CAPZB: variants seen among roughly 807,000 people sequenced by gnomAD.
The protein encoded by CAPZB is F-actin-capping protein subunit beta.
CAPZB carries 2 observed loss-of-function variants against 38.1 expected under a neutral mutation model. The observed-to-expected ratio is 0.05, with a 90% CI of 0.02 to 0.17. The LOEUF is 0.17. Ranked by LOEUF, CAPZB falls within the 10% of genes least tolerant of loss-of-function variation. The probability of loss-of-function intolerance (pLI) is 1.00; values close to 1 mark genes in which losing one functional copy is unlikely to be tolerated. For synonymous variants in CAPZB, 107 were observed against 127.4 expected (o/e 0.84, Z 1.08); for missense variants, 161 against 334.2 (o/e 0.48, Z 4.04).
At chr1:19,439,535 GCCTGTGTCA>G (rs937396475) in intron 1 of CAPZB, among the ~76,000 whole-genome samples, 9 of 152,218 alleles carry the variant, frequency 5.9e-5, no homozygotes, top group Non-Finnish European at 8.8e-5. Context: ...TCCCCAGTCA[GCCTGTGTCA>G]CGCGGTGCTG....
intron 2 of CAPZB, among the ~76,000 whole-genome samples, chr1:19,405,889 G>C (rs1204826194): frequency 6.6e-6 from 1 of 152,216 alleles, no homozygotes; most frequent in African/African-American, 2.4e-5. Flanking sequence ...TAGGACCCGA[G>C]AGTCTGGAGC....
chr1:19,346,079 C>T (rs907955627), intron 6 of CAPZB, among the ~76,000 whole-genome samples: 1 of 152,150 alleles, frequency 6.6e-6, no homozygotes, highest in Admixed American at 6.5e-5. Context: ...TTATCTGAAG[C>T]CTTATTTCCC....
At chr1:19,406,451 C>A (rs193250505) in intron 2 of CAPZB, among the ~76,000 whole-genome samples, 131 of 152,256 alleles carry the variant, frequency 8.6e-4, no homozygotes, top group African/African-American at 2.9e-3. Context: ...GGGAAGCTAC[C>A]CACTACGGAG....
At chr1:19,380,494 G>A (rs1046780741) in intron 3 of CAPZB, among the ~76,000 whole-genome samples, 9 of 152,342 alleles carry the variant, frequency 5.9e-5, no homozygotes, top group South Asian at 2.1e-4. Context: ...CAGGCGTGCC[G>A]CCCACAATCG....
intron 1 of CAPZB, among the ~76,000 whole-genome samples, chr1:19,483,264 C>T (rs10917461): frequency 1.3e-5 from 2 of 152,064 alleles, no homozygotes; most frequent in Non-Finnish European, 2.9e-5. Flanking sequence ...GTTTTTCAAA[C>T]GGTATCATTA....
intron 4 of CAPZB, among the ~76,000 whole-genome samples, chr1:19,374,902 G>A (rs1275352454): frequency 1.3e-5 from 2 of 152,224 alleles, no homozygotes; most frequent in East Asian, 3.9e-4. Context: ...GTATGGGGAA[G>A]GGCTAGATAA....
chr1:19,456,638 C>A (rs1250819730), intron 1 of CAPZB, among the ~76,000 whole-genome samples: 2 of 152,162 alleles, frequency 1.3e-5, no homozygotes, highest in African/African-American at 4.8e-5. Flanking sequence ...ACAGACCCAG[C>A]CTGTCTTTAA....
chr1:19,469,741 TACACACACACACACACACACACACACAC>T (rs60330360), intron 1 of CAPZB, among the ~76,000 whole-genome samples: 2 of 136,620 alleles, frequency 1.5e-5, no homozygotes, highest in African/African-American at 2.8e-5. Context: ...AGGAAAAGAA[TACACACACACACACACACACACACACAC>T]ACACACACAC....
At chr1:19,411,954 G>A (rs1370307581) in intron 2 of CAPZB, among the ~76,000 whole-genome samples, 5 of 152,150 alleles carry the variant, frequency 3.3e-5, no homozygotes, top group African/African-American at 1.2e-4. Context: ...GGATGGGCAG[G>A]AAACGCCAGC....
At chr1:19,473,324 G>A (rs552737731) in intron 1 of CAPZB, among the ~76,000 whole-genome samples, 1 of 152,248 alleles carries the variant, frequency 6.6e-6, no homozygotes, top group African/African-American at 2.4e-5. Flanking sequence ...ATCCACATCT[G>A]CAAAATGGGG....
At chr1:19,475,509 C>G (rs1328159705) in intron 1 of CAPZB, among the ~76,000 whole-genome samples, 2 of 152,254 alleles carry the variant, frequency 1.3e-5, no homozygotes, top group African/African-American at 4.8e-5. Context: ...GCCAGCACCA[C>G]TGGGGCAGTC....
chr1:19,359,199 T>A (rs1424244743), intron 4 of CAPZB, among the ~76,000 whole-genome samples: 2 of 145,104 alleles, frequency 1.4e-5, no homozygotes, highest in Non-Finnish European at 3.0e-5. Context: ...TATACAAGAA[T>A]TCTCTGTACT....
intron 4 of CAPZB, among the ~76,000 whole-genome samples, chr1:19,369,116 T>C (rs1187606465): frequency 6.6e-6 from 1 of 152,214 alleles, no homozygotes; most frequent in Non-Finnish European, 1.5e-5. Flanking sequence ...TTCTGCACAC[T>C]CCTGTTTTCC....
intron 2 of CAPZB, among the ~76,000 whole-genome samples, chr1:19,395,340 C>CT (rs1010342754): frequency 6.6e-6 from 1 of 152,158 alleles, no homozygotes; most frequent in Non-Finnish European, 1.5e-5. Flanking sequence ...CAACAAAGAG[C>CT]TTTTTCAGGA....
At chr1:19,420,013 A>C in intron 1 of CAPZB, 1 of 434,462 alleles carries the variant, frequency 2.3e-6, no homozygotes, top group Non-Finnish European at 4.1e-6. Context: ...AGACGTCAGA[A>C]AGCTCCCTCA....
chr1:19,348,986 G>A (rs1198539522), intron 6 of CAPZB, among the ~76,000 whole-genome samples: 1 of 152,098 alleles, frequency 6.6e-6, no homozygotes, highest in African/African-American at 2.4e-5. Context: ...CAGACCCCAG[G>A]GGGTCTCCAT....
intron 2 of CAPZB, among the ~76,000 whole-genome samples, chr1:19,408,260 C>T (rs914784696): frequency 1.3e-5 from 2 of 152,222 alleles, no homozygotes; most frequent in Admixed American, 6.5e-5. Flanking sequence ...CCCTAGGAAG[C>T]CAACAAAGGC....
chr1:19,399,856 T>C (rs2094293532), intron 2 of CAPZB, among the ~76,000 whole-genome samples: 1 of 152,196 alleles, frequency 6.6e-6, no homozygotes, highest in Non-Finnish European at 1.5e-5. Flanking sequence ...ACTTGAGAGT[T>C]ACTCAAAAGT....
chr1:19,358,506 G>A lies in CAPZB; in HGVS notation c.330-943C>T, dbSNP rs115873338. ...ATTACGATCAAATGGAAGAGGGAAC[G>A]AAAAGGTTAGATGAGAAATGGGAAT... On this transcript the variant is annotated intron_variant, in intron 4 of 8. Transcript: ENST00000264202. Among the ~76,000 whole-genome samples the A allele has an allele frequency of 1.9e-3, 289 of 152,292 alleles. 2 individuals carry two copies. The highest frequency in any genetic ancestry group is 6.7e-3 in the African/African-American group (280 of 41,562).
Sources: gnomAD v4.1 joint callset for allele counts (sites outside exome capture counted in the v4.1 genomes callset) on GRCh38, gnomAD v4.1.1 for gene constraint, MANE v1.5 for transcripts, NCBI Gene and HGNC (gene_info 2026-07-23, HGNC 2026-07-21) for gene names.